RBM33: variants seen among roughly 807,000 people sequenced by gnomAD.
RBM33 encodes the protein RNA-binding protein 33.
RBM33 carries 28 observed loss-of-function variants against 132.6 expected under a neutral mutation model. The ratio of observed to expected loss-of-function variants is 0.21; its 90% CI spans 0.16 to 0.29. RBM33 has a LOEUF of 0.29. Among genes scored for constraint, RBM33 ranks in the 10% least tolerant of loss-of-function variants. The pLI, the probability that RBM33 is intolerant of heterozygous loss-of-function variation, is 1.00. For missense variants in RBM33, 1,291 were observed against 1,518.5 expected, an observed-to-expected ratio of 0.85 and a Z score of 2.49; for synonymous variants, 634 against 593.0, an observed-to-expected ratio of 1.07 and a Z score of -1.01.
intron 8 of RBM33, among the ~76,000 whole-genome samples, chr7:155,713,750 G>C (rs1425338327): frequency 2.0e-5 from 3 of 152,326 alleles, no homozygotes; most frequent in Non-Finnish European, 4.4e-5. Flanking sequence ...AAGTGGGCTT[G>C]AGAGAAAGTT....
At chr7:155,687,196 A>G (rs973729457) in intron 5 of RBM33, among the ~76,000 whole-genome samples, 1 of 152,126 alleles carries the variant, frequency 6.6e-6, no homozygotes, top group African/African-American at 2.4e-5. Context: ...ATGGTATCTC[A>G]TTGTGGTTTT....
intron 9 of RBM33, among the ~76,000 whole-genome samples, chr7:155,735,715 C>G (rs112828273): frequency 2.0e-3 from 183 of 93,584 alleles, no homozygotes; most frequent in East Asian, 9.4e-3. Context: ...CTCTCTCTCT[C>G]TCTGTCTCTC....
intron 8 of RBM33, among the ~76,000 whole-genome samples, chr7:155,716,316 G>GTTTTGTTT (rs1554477958): frequency 9.8e-6 from 1 of 102,384 alleles, no homozygotes. Flanking sequence ...CTTTTCTGCT[G>GTTTTGTTT]TTTTTTTTTT....
At chr7:155,703,177 T>C (rs1328784337) in intron 6 of RBM33, among the ~76,000 whole-genome samples, 1 of 152,256 alleles carries the variant, frequency 6.6e-6, no homozygotes, top group Admixed American at 6.5e-5. Context: ...TGCATCTCCT[T>C]CTTCTCAGGA....
At chr7:155,649,650 C>A (rs1798301758) in intron 1 of RBM33, among the ~76,000 whole-genome samples, 1 of 152,070 alleles carries the variant, frequency 6.6e-6, no homozygotes, top group Admixed American at 6.5e-5. Flanking sequence ...TTGTGGCCTT[C>A]AGTTGTCTGG....
chr7:155,686,373 C>A (rs898815933), intron 5 of RBM33, among the ~76,000 whole-genome samples: 11 of 152,102 alleles, frequency 7.2e-5, no homozygotes, highest in African/African-American at 2.4e-4. Flanking sequence ...GAGAAGTAGA[C>A]AGAAGACTGC....
chr7:155,690,862 T>C (rs963840584), intron 5 of RBM33, among the ~76,000 whole-genome samples: 57 of 152,216 alleles, frequency 3.7e-4, no homozygotes, highest in African/African-American at 1.3e-3. Flanking sequence ...GACTTCCCTT[T>C]GTGGGTAACC....
chr7:155,780,067 C>T lies in RBM33; in HGVS notation c.*5026C>T, dbSNP rs1282309535. On this transcript the variant is annotated 3_prime_UTR_variant, in exon 18 of 18. Coordinates refer to ENST00000401878, the MANE Select transcript of RBM33 (RefSeq NM_053043.3). ...ATTCTGTATTTAATAATTTAATATA[C>T]TCTAGAAAGTAGACCTCATGCATTC... The T allele has an allele frequency of 6.6e-6, 1 of 152,180 alleles. No individual in the cohort carries two copies. The highest frequency in any genetic ancestry group is 6.5e-5 in the Admixed American group (1 of 15,284). 9.4% of individuals were successfully genotyped at this position (152,180 alleles called of 1,614,324 possible).
chr7:155,665,868 G>A (rs1285150263), intron 2 of RBM33, among the ~76,000 whole-genome samples: 6 of 152,210 alleles, frequency 3.9e-5, no homozygotes, highest in African/African-American at 1.4e-4. Context: ...AATCTGGGTG[G>A]TGGGGCTGAG....
intron 14 of RBM33, chr7:155,746,717 C>T (rs1345726750): frequency 6.6e-6 from 1 of 152,168 alleles, no homozygotes; most frequent in Non-Finnish European, 1.5e-5. Flanking sequence ...ATAACAAATA[C>T]TATGGTCTCT....
intron 8 of RBM33, among the ~76,000 whole-genome samples, chr7:155,714,602 CA>C (rs1800404908): frequency 6.6e-6 from 1 of 152,170 alleles, no homozygotes; most frequent in Non-Finnish European, 1.5e-5. Flanking sequence ...GCAGTTAGAT[CA>C]AGAAGGAGCC....
chr7:155,731,343 C>T (rs1349511601), intron 9 of RBM33, among the ~76,000 whole-genome samples: 2 of 152,214 alleles, frequency 1.3e-5, no homozygotes, highest in African/African-American at 4.8e-5. Context: ...ATGGTTTTTC[C>T]TGTACATATA....
chr7:155,663,114 C>T (rs1473028240), intron 1 of RBM33, among the ~76,000 whole-genome samples: 3 of 152,078 alleles, frequency 2.0e-5, no homozygotes, highest in Non-Finnish European at 4.4e-5. Context: ...GGAGAGGACC[C>T]ATGGAGCTCC....
At chr7:155,751,970 C>G (rs144602322) in intron 14 of RBM33, among the ~76,000 whole-genome samples, 2 of 152,266 alleles carry the variant, frequency 1.3e-5, no homozygotes, top group East Asian at 3.9e-4. Flanking sequence ...TCTATTTGTT[C>G]ATTTATTTAT....
At chr7:155,757,626 C>A (rs2117056885) in intron 14 of RBM33, among the ~76,000 whole-genome samples, 1 of 152,226 alleles carries the variant, frequency 6.6e-6, no homozygotes. Flanking sequence ...GTTTAATGGG[C>A]ACAATGAGGA....
In RBM33 at chr7:155,665,251, C is replaced by CAGGT. The variant is rs778517130; in HGVS notation, c.122_122+3dup. 6.2e-7 allele frequency: 1 copy of CAGGT among 1,613,418 alleles called. No homozygotes were observed. The highest frequency in any genetic ancestry group is 8.5e-7 in the Non-Finnish European group (1 of 1,179,428). On this transcript the variant is annotated frameshift_variant and splice_region_variant, in exon 2 of 18. Coordinates refer to ENST00000401878, the MANE Select transcript of RBM33 (RefSeq NM_053043.3). LOFTEE classifies it high-confidence loss of function. ...GAAGAGCTGCTGATGAGGACTGGGACAGGTACGTGCACCCTGTGCTTCACC... is the reference window on the plus strand; with the variant it reads ...GAAGAGCTGCTGATGAGGACTGGGACAGGTAGGTACGTGCACCCTGTGCTTCACC...
intron 14 of RBM33, among the ~76,000 whole-genome samples, chr7:155,752,714 G>A (rs1248752064): frequency 6.6e-6 from 1 of 152,178 alleles, no homozygotes; most frequent in African/African-American, 2.4e-5. Flanking sequence ...CAGCACTTCG[G>A]TTGGGGTTAG....
At chr7:155,703,986 A>T (rs1800040423) in intron 6 of RBM33, among the ~76,000 whole-genome samples, 1 of 152,154 alleles carries the variant, frequency 6.6e-6, no homozygotes, top group Non-Finnish European at 1.5e-5. Flanking sequence ...AGTGTTGAGA[A>T]CACTTCATTC....
At position 155,776,569 on chromosome 7, in the gene RBM33, GT is replaced by G. The variant is rs1802619467; in HGVS notation, c.*1529del. 6.6e-6 allele frequency: 1 copy of G among 152,290 alleles called. No homozygotes were observed. Among genetic ancestry groups the G allele is most frequent in the Admixed American group, 6.5e-5 (1 of 15,294 alleles). 9.4% of individuals were successfully genotyped at this position (152,290 alleles called of 1,614,324 possible). A position where few individuals can be genotyped will look rare whatever the true frequency, so the allele number is the denominator to read the frequency against. ...AGACCCTGCGATCCTTTCTGTAGCA[GT>G]GATTCTAAAGTGGCGTTTGCTGTGT... On this transcript the variant is annotated 3_prime_UTR_variant, in exon 18 of 18. Transcript: ENST00000401878. The surrounding 1 kb of genome is among the most constrained non-coding windows in gnomAD (Gnocchi z 4.0).
Sources: allele counts gnomAD v4.1 joint callset (sites outside exome capture counted in the v4.1 genomes callset), GRCh38; gene constraint gnomAD v4.1.1; non-coding constraint Gnocchi (gnomAD v3.1); transcripts MANE v1.5; gene names NCBI Gene and HGNC (gene_info 2026-07-23, HGNC 2026-07-21).